Variants in PPP2R5D observed in about 807,000 individuals in gnomAD.
PPP2R5D encodes the protein serine/threonine-protein phosphatase 2A 56 kDa regulatory subunit delta isoform.
A neutral mutation model predicts 79.1 loss-of-function variants in PPP2R5D; 12 were observed. That is an observed-to-expected ratio of 0.15 (90% confidence interval 0.10 to 0.25). PPP2R5D has a LOEUF of 0.25. Ranked by LOEUF, PPP2R5D falls within the 10% of genes least tolerant of loss-of-function variation. PPP2R5D has a pLI of 1.00. For synonymous variants in PPP2R5D, 277 were observed against 286.6 expected (o/e 0.97, Z 0.34); for missense variants, 419 against 760.2 (o/e 0.55, Z 5.28).
chr6:43,003,002 G>A (rs1761842508), intron 2 of PPP2R5D, among the ~76,000 whole-genome samples: 1 of 152,200 alleles, frequency 6.6e-6, no homozygotes, highest in Non-Finnish European at 1.5e-5. Flanking sequence ...TCTCCCAACA[G>A]GGGGCTGCCT....
chr6:42,997,035 C>CT (rs1445446789), intron 2 of PPP2R5D, among the ~76,000 whole-genome samples: 1 of 151,978 alleles, frequency 6.6e-6, no homozygotes, highest in Non-Finnish European at 1.5e-5. Context: ...GAGACAGACT[C>CT]TTCCTTTGTT....
intron 1 of PPP2R5D, 22 bp from the exon 2 acceptor site, chr6:42,989,584 AACTTT>A (rs1364083606): frequency 1.3e-6 from 2 of 1,580,708 alleles, no homozygotes; most frequent in Non-Finnish European, 1.7e-6. Flanking sequence ...GGCATCTGCT[AACTTT>A]ACTTTCATCT....
intron 2 of PPP2R5D, among the ~76,000 whole-genome samples, chr6:42,999,629 G>A (rs946694755): frequency 1.3e-5 from 2 of 152,084 alleles, no homozygotes; most frequent in Non-Finnish European, 2.9e-5. Context: ...GCAGTGGCAC[G>A]ATTTCGGCTC....
At chr6:42,997,788 C>T (rs146730464) in intron 2 of PPP2R5D, among the ~76,000 whole-genome samples, 2,777 of 149,078 alleles carry the variant, frequency 0.019, 32 homozygotes, top group South Asian at 0.031. Context: ...TCAGGCGATC[C>T]GCCCACCTCA....
intron 2 of PPP2R5D, among the ~76,000 whole-genome samples, chr6:42,998,015 T>A (rs200154743): frequency 0.028 from 904 of 32,148 alleles, 48 homozygotes; most frequent in African/African-American, 0.12. Flanking sequence ...TGGGTTTTAT[T>A]TATATATATA....
rs776953962 is a variant in PPP2R5D at position 43,006,575 on chromosome 6, A to G, written c.218A>G (p.Lys73Arg). 7 of 1,614,014 alleles carry G rather than the reference A, an allele frequency of 4.3e-6. No individual in the cohort carries two copies. The Admixed American group carries it at 6.7e-5, about 15-fold the overall frequency. ...TPPPTQLSKI[K>R]YSGGPQIVKK... ...CCCCCCACGCAGCTCAGCAAAATCA[A>G]GTACTCAGGGGGGCCCCAGATTGTC... The change falls in exon 3 of 16, where the codon AAG becomes AGG. Residue 73 changes from lysine to arginine, a missense_variant. Around this residue, in one of 5 missense-constraint regions of PPP2R5D, gnomAD observed 110 missense variants for 147.6 expected, o/e 0.75. Coordinates refer to ENST00000485511, the MANE Select transcript of PPP2R5D (RefSeq NM_006245.4). The surrounding 1 kb of genome is among the most constrained non-coding windows in gnomAD (Gnocchi z 4.7).
In PPP2R5D at chr6:43,011,659, CCCT is replaced by C. The variant is rs1762355170; in HGVS notation, c.*378_*380del. ...TCCTCATTTGAACGCCAGGTATCTCCCCTCCTCTCTCTCCCCTGCAGAGGCATG... is the reference window on the plus strand; with the variant it reads ...TCCTCATTTGAACGCCAGGTATCTCCCCTCTCTCTCCCCTGCAGAGGCATG... On this transcript the variant is annotated 3_prime_UTR_variant, in exon 16 of 16. Transcript: ENST00000485511. 8.1e-6 allele frequency: 2 copies of C among 246,964 alleles called. No individual in the cohort carries two copies. Among genetic ancestry groups the C allele is most frequent in the African/African-American group, 4.5e-5 (2 of 44,432 alleles). The allele number at this position is 246,964 out of a possible 1,614,324, so 15.3% of individuals were successfully genotyped here.
chr6:42,996,970 T>C (rs1771741090), intron 2 of PPP2R5D, among the ~76,000 whole-genome samples: 1 of 152,202 alleles, frequency 6.6e-6, no homozygotes, highest in South Asian at 2.1e-4. Flanking sequence ...TTAAATACTT[T>C]CTATAGTGCT....
At chr6:42,989,330 G>T (rs1402810774) in intron 1 of PPP2R5D, among the ~76,000 whole-genome samples, 1 of 152,054 alleles carries the variant, frequency 6.6e-6, no homozygotes, top group Non-Finnish European at 1.5e-5. Flanking sequence ...GCCCTCCCAG[G>T]CCCAACCTCT....
In PPP2R5D at chr6:42,984,824, C is replaced by T. The variant is rs571799021; in HGVS notation, c.27+120C>T. On this transcript the variant is annotated intron_variant, in intron 1 of 15. Transcript: ENST00000485511. The stretch of plus-strand genomic sequence containing the variant: ...CCTCCCGTCCAGCCCCCGCAGGACT[C>T]CTGGGGCCAGCCCTCCGCCCCCGCG... 29 of 1,448,766 alleles carry T rather than the reference C, an allele frequency of 2.0e-5. No individual in the cohort carries two copies. The African/African-American group carries it at 2.8e-4, about 14-fold the overall frequency. 89.7% of individuals were successfully genotyped at this position (1,448,766 alleles called of 1,614,324 possible). A position where few individuals can be genotyped will look rare whatever the true frequency, so the allele number is the denominator to read the frequency against.
chr6:43,011,662 T>G lies in PPP2R5D; in HGVS notation c.*376T>G. On this transcript the variant is annotated 3_prime_UTR_variant, in exon 16 of 16. Transcript: ENST00000485511. ...TCATTTGAACGCCAGGTATCTCCCC[T>G]CCTCTCTCTCCCCTGCAGAGGCATG... 4.2e-6 allele frequency: 1 copy of G among 239,102 alleles called. No individual in the cohort carries two copies. The highest frequency in any genetic ancestry group is 2.3e-5 in the African/African-American group (1 of 44,240). The allele number at this position is 239,102 out of a possible 1,614,324, so 14.8% of individuals were successfully genotyped here.
intron 2 of PPP2R5D, among the ~76,000 whole-genome samples, chr6:43,005,622 TTTTG>T (rs1379728952): frequency 6.6e-6 from 1 of 151,426 alleles, no homozygotes; most frequent in Non-Finnish European, 1.5e-5. Flanking sequence ...TTACCTTTTG[TTTTG>T]TTTTTTTTTT....
chr6:42,991,741 C>T (rs1771279468), intron 2 of PPP2R5D, among the ~76,000 whole-genome samples: 1 of 152,174 alleles, frequency 6.6e-6, no homozygotes, highest in African/African-American at 2.4e-5. Flanking sequence ...CTAACGTTAT[C>T]AGTTCATAGA....
chr6:43,003,012 T>C (rs4714652), intron 2 of PPP2R5D, among the ~76,000 whole-genome samples: 17,815 of 152,160 alleles, frequency 0.12, 1,610 homozygotes, highest in African/African-American at 0.23. Flanking sequence ...GGGGGCTGCC[T>C]GGACAGTCCA....
At chr6:42,998,040 T>TATATATATATATATATATAC (rs1771874610) in intron 2 of PPP2R5D, among the ~76,000 whole-genome samples, 2 of 29,296 alleles carry the variant, frequency 6.8e-5, no homozygotes, top group Admixed American at 4.6e-4. Context: ...TATATATATA[T>TATATATATATATATATATAC]ATATATATAT....
chr6:43,011,365 C>A lies in PPP2R5D; in HGVS notation c.*79C>A. ...CTGGCCCTCCATACTCTGCTCCCTA[C>A]TGGCTGTCTTGGGGGAAGGCAGCGC... On this transcript the variant is annotated 3_prime_UTR_variant, in exon 16 of 16. Transcript: ENST00000485511. The A allele has an allele frequency of 6.4e-7, 1 of 1,573,218 alleles. No homozygotes were observed. Among genetic ancestry groups the A allele is most frequent in the South Asian group, 1.1e-5 (1 of 87,388 alleles).
At chr6:42,991,599 C>T (rs562363158) in intron 2 of PPP2R5D, among the ~76,000 whole-genome samples, 13 of 152,278 alleles carry the variant, frequency 8.5e-5, no homozygotes, top group African/African-American at 3.1e-4. Flanking sequence ...CTCCATGAGG[C>T]TCTCATTCAC....
Position 43,008,569 on chromosome 6 carries a change from A to C in PPP2R5D, c.1026+94A>C. On this transcript the variant is annotated intron_variant, in intron 9 of 15. Transcript: ENST00000485511. The surrounding 1 kb of genome is among the most constrained non-coding windows in gnomAD (Gnocchi z 4.2). ...CAGCTGGGATAGGGGAAGCATAGGG[A>C]GCAGGTGGGATAATTCCTTCCCTCC... 6.8e-7 allele frequency: 1 copy of C among 1,472,792 alleles called. No individual in the cohort carries two copies. Among genetic ancestry groups the C allele is most frequent in the South Asian group, 1.1e-5 (1 of 87,316 alleles). 91.2% of individuals were successfully genotyped at this position (1,472,792 alleles called of 1,614,324 possible). A position where few individuals can be genotyped will look rare whatever the true frequency, so the allele number is the denominator to read the frequency against.
chr6:43,000,080 C>T (rs571566536), intron 2 of PPP2R5D, among the ~76,000 whole-genome samples: 81 of 151,986 alleles, frequency 5.3e-4, no homozygotes, highest in African/African-American at 1.9e-3. Context: ...GGATTACAGG[C>T]GCCCGCCACC....
Sources: gnomAD v4.1 joint callset for allele counts (sites outside exome capture counted in the v4.1 genomes callset) on GRCh38, gnomAD v4.1.1 for gene constraint, gnomAD v4.1.1 regional missense constraint, Gnocchi (gnomAD v3.1) non-coding constraint, MANE v1.5 for transcripts, NCBI Gene and HGNC (gene_info 2026-07-23, HGNC 2026-07-21) for gene names.